ACIN1: variants seen among roughly 807,000 people sequenced by gnomAD.
The protein encoded by ACIN1 is apoptotic chromatin condensation inducer in the nucleus.
ACIN1 carries 16 observed loss-of-function variants against 146.6 expected under a neutral mutation model. The ratio of observed to expected loss-of-function variants is 0.11; its 90% CI spans 0.07 to 0.17. ACIN1 has a LOEUF of 0.17. ACIN1 is among the 10% of genes least tolerant of loss of function. The pLI is 1.00. For missense variants in ACIN1, 1,357 were observed against 1,609.3 expected (o/e 0.84, Z 2.68); for synonymous variants, 569 against 582.7 (o/e 0.98, Z 0.34).
chr14:23,082,811 C>G (rs2047981806), intron 4 of ACIN1, among the ~76,000 whole-genome samples: 1 of 151,286 alleles, frequency 6.6e-6, no homozygotes, highest in African/African-American at 2.4e-5. Context: ...ATGATCTAGG[C>G]TCACCACAAC....
chr14:23,062,639 G>A (rs193206765), intron 14 of ACIN1, 116 bp from the exon 15 acceptor site: 22 of 1,000,748 alleles, frequency 2.2e-5, no homozygotes, highest in East Asian at 1.7e-4. Flanking sequence ...GGAGGGCAGA[G>A]AGTTTAGGAA....
At chr14:23,071,412 G>A (rs1019300574) in intron 8 of ACIN1, 10 of 1,551,496 alleles carry the variant, frequency 6.4e-6, no homozygotes, top group Middle Eastern at 1.7e-4. Flanking sequence ...TAAGAGATAA[G>A]CGTTAAGTCC....
chr14:23,071,493 G>A lies in ACIN1; in HGVS notation c.2124-1876C>T. 2.6e-6 allele frequency: 4 copies of A among 1,551,710 alleles called. 1 individual carries two copies. The highest frequency in any genetic ancestry group is 3.5e-6 in the Non-Finnish European group (4 of 1,146,982). On this transcript the variant is annotated intron_variant, in intron 8 of 18. Transcript: ENST00000605057. ...GAGGAAGAGGGCCAGGCTGCTGGTA[G>A]TGGCTGGCTCTATTGTATTGGCGGA...
intron 4 of ACIN1, among the ~76,000 whole-genome samples, chr14:23,083,941 TTCTC>T (rs1176296927): frequency 2.0e-5 from 3 of 151,992 alleles, no homozygotes; most frequent in East Asian, 1.9e-4. Flanking sequence ...ACCCAAGATC[TTCTC>T]TCTTATTTTT....
upstream of ACIN1, chr14:23,095,301 T>C: frequency 6.3e-7 from 1 of 1,585,608 alleles, no homozygotes; most frequent in Non-Finnish European, 8.6e-7. Flanking sequence ...ACCAATCAAT[T>C]CTTTCCATCC....
chr14:23,080,665 C>T lies in ACIN1; in HGVS notation c.670G>A (p.Asp224Asn), dbSNP rs1234837206. The change falls in exon 6 of 19, where the codon GAT becomes AAT. Residue 224 changes from aspartate (D) to asparagine (N), a missense_variant. Around this residue, in one of 4 missense-constraint regions of ACIN1, gnomAD observed 771 missense variants for 746.6 expected, o/e 1.03. Coordinates refer to ENST00000605057, the MANE Select transcript of ACIN1 (RefSeq NM_001386863.1). ...EEEEEEEEEE[D>N]DEEEEGDDEG... ...TCATCACCTTCCTCTTCTTCATCAT[C>T]TTCTTCCTCCTCCTCCTCCTCCTCT... 3.1e-6 allele frequency: 5 copies of T among 1,611,954 alleles called. No homozygotes were observed. The highest frequency in any genetic ancestry group is 1.4e-5 in the African/African-American group (1 of 73,812).
At chr14:23,095,596 GT>G (rs1215123124), upstream of ACIN1, 3 of 371,558 alleles carry the variant, frequency 8.1e-6, no homozygotes, top group Non-Finnish European at 1.5e-5. Flanking sequence ...CAATCTTCGG[GT>G]GCCCTTCGAG....
At chr14:23,088,625 C>T (rs966690398) in intron 4 of ACIN1, among the ~76,000 whole-genome samples, 1 of 150,912 alleles carries the variant, frequency 6.6e-6, no homozygotes, top group African/African-American at 2.4e-5. Flanking sequence ...CCTAAAAACA[C>T]TGATTATGGT....
Position 23,079,802 on chromosome 14 carries a change from T to A in ACIN1, c.1533A>T (p.Arg511Ser). The A allele has an allele frequency of 6.2e-7, 1 of 1,614,182 alleles. No individual in the cohort carries two copies. Among genetic ancestry groups the A allele is most frequent in the Non-Finnish European group, 8.5e-7 (1 of 1,180,026 alleles). ...RASHTLLPSH[R>S]LKQSADSSSS... is the part of the protein sequence containing the mutation. ...AGGATGAATCAGCTGACTGTTTCAA[T>A]CTGTGGCTTGGGAGAAGGGTATGAG... Residue 511 changes from arginine to serine, a missense_variant, in exon 6 of 19, where the codon AGA becomes AGT. This residue lies in a region of ACIN1 where 771 missense variants were observed against 746.6 expected (regional missense o/e 1.03). Coordinates refer to ENST00000605057, the MANE Select transcript of ACIN1 (RefSeq NM_001386863.1).
Position 23,067,636 on chromosome 14 carries a change from T to C in ACIN1, c.2266-1628A>G. 4 of 985,886 alleles carry C rather than the reference T, an allele frequency of 4.1e-6. No individual in the cohort carries two copies. Among genetic ancestry groups the C allele is most frequent in the Non-Finnish European group, 3.6e-6 (3 of 829,990 alleles). 61.1% of individuals were successfully genotyped at this position (985,886 alleles called of 1,614,324 possible). On this transcript the variant is annotated intron_variant, in intron 9 of 18. Transcript: ENST00000605057. This position sits in a 1 kb window ranked among gnomAD's most constrained non-coding sequence, Gnocchi z 4.6. ...CATCAGTCCTGGCCCTGAAGGGACA[T>C]CATCTTGCAGTCCCTGATGAGATGG...
chr14:23,082,442 T>TTC (rs1213351101), intron 4 of ACIN1, among the ~76,000 whole-genome samples: 3 of 134,884 alleles, frequency 2.2e-5, no homozygotes, highest in African/African-American at 3.3e-5. Context: ...TCAATATTTT[T>TTC]TTTTTTTTTT....
At chr14:23,095,498 G>T, upstream of ACIN1, 1 of 633,798 alleles carries the variant, frequency 1.6e-6, no homozygotes, top group Non-Finnish European at 2.6e-6. Flanking sequence ...TCCGAGGCCG[G>T]AAGTGCGTGG....
At chr14:23,084,247 T>C (rs2048028718) in intron 4 of ACIN1, among the ~76,000 whole-genome samples, 1 of 152,100 alleles carries the variant, frequency 6.6e-6, no homozygotes, top group Non-Finnish European at 1.5e-5. Flanking sequence ...ATGCCCGGCC[T>C]TCTCTATTTC....
rs531927013 is a variant in ACIN1, at chr14:23,079,733, T to C, written c.1602A>G (p.Arg534=). The C allele has an allele frequency of 2.5e-6, 4 of 1,614,016 alleles. No homozygotes were observed. The highest frequency in any genetic ancestry group is 1.7e-5 in the Admixed American group (1 of 60,014). ...SSSSSSSSRS[R]SRSPDSSGSR... ...AACCTGAACTGTCAGGAGAGCGAGA[T>C]CTTGATCTAGAACTGGAGGAGGAAG... The change falls in exon 6 of 19, where the codon AGA becomes AGG. Residue 534 remains arginine, a synonymous_variant. Coordinates refer to ENST00000605057, the MANE Select transcript of ACIN1 (RefSeq NM_001386863.1).
In ACIN1 at chr14:23,078,160, T is replaced by G. The variant is rs755417331; in HGVS notation, c.2114A>C (p.His705Pro). The G allele has an allele frequency of 6.2e-7, 1 of 1,614,176 alleles. No individual in the cohort carries two copies. The change falls in exon 8 of 19, where the codon CAT (histidine) becomes CCT (proline). Residue 705 changes from histidine to proline, a missense_variant. Around this residue, in one of 4 missense-constraint regions of ACIN1, gnomAD observed 771 missense variants for 746.6 expected, o/e 1.03. Transcript: ENST00000605057. ...TSHLPESERIHHTVEEKEEVT... is the reference protein window; with the variant it reads ...TSHLPESERIPHTVEEKEEVT... Reference sequence around the variant, plus strand: ...GAGATATATCACTTACACAGTGTGATGAATTCTTTCTGATTCTGGCAGATG... The same window carrying G: ...GAGATATATCACTTACACAGTGTGAGGAATTCTTTCTGATTCTGGCAGATG...
rs990496745 is a variant in ACIN1 at position 23,068,135 on chromosome 14, A to G, written c.2265+1341T>C. Reference sequence around the variant, plus strand: ...TGGGCTGGGCTGTCATCAGCATTAAATCCCCAGGGGCTCAGACCCTAGACT... The same window carrying G: ...TGGGCTGGGCTGTCATCAGCATTAAGTCCCCAGGGGCTCAGACCCTAGACT... On this transcript the variant is annotated intron_variant, in intron 9 of 18. Transcript: ENST00000605057. This position sits in a 1 kb window ranked among gnomAD's most constrained non-coding sequence, Gnocchi z 4.3. The G allele has an allele frequency of 2.5e-5, 25 of 985,650 alleles. No homozygotes were observed. In the African/African-American group the frequency reaches 4.4e-4, roughly 17 times the overall value. 61.1% of individuals were successfully genotyped at this position (985,650 alleles called of 1,614,324 possible). A position where few individuals can be genotyped will look rare whatever the true frequency, so the allele number is the denominator to read the frequency against.
Position 23,079,033 on chromosome 14 carries a change from C to G in ACIN1, c.1794G>C (p.Leu598=). 2 of 1,612,954 alleles carry G rather than the reference C, an allele frequency of 1.2e-6. No homozygotes were observed. Among genetic ancestry groups the G allele is most frequent in the African/African-American group, 2.7e-5 (2 of 74,970 alleles). ...TGCTGTCCCTGGAGACTCCAGGGCT[C>G]AGAGACTAAAACAAAATGAAACACA... ...RSASSNSRKS[L]SPGVSRDSST... is the part of the protein sequence containing the mutation. Residue 598 remains leucine (L), a synonymous_variant, in exon 7 of 19, where the codon CTG becomes CTC. Coordinates refer to ENST00000605057, the MANE Select transcript of ACIN1 (RefSeq NM_001386863.1).
Position 23,063,078 on chromosome 14 carries a change from T to C in ACIN1, c.2738-4A>G, listed in dbSNP as rs1471691159. The C allele has an allele frequency of 6.2e-7, 1 of 1,601,648 alleles. No individual in the cohort carries two copies. The highest frequency in any genetic ancestry group is 1.3e-5 in the African/African-American group (1 of 74,338). On this transcript the variant is annotated splice_polypyrimidine_tract_variant and splice_region_variant and intron_variant, in intron 13 of 18. Transcript: ENST00000605057. ...GTTAAGGTATCTCCTAAAGTCACTA[T>C]CAAGAAGACCACAAGAACAGCTTTT...
intron 16 of ACIN1, 86 bp downstream of exon 16, chr14:23,062,082 G>A (rs1227443454): frequency 5.6e-6 from 6 of 1,075,400 alleles, no homozygotes; most frequent in African/African-American, 4.7e-5. Context: ...CTCAGAGACT[G>A]CAGGTCTGGC....
Sources: gnomAD v4.1 joint callset for allele counts (sites outside exome capture counted in the v4.1 genomes callset) on GRCh38, gnomAD v4.1.1 for gene constraint, gnomAD v4.1.1 regional missense constraint, Gnocchi (gnomAD v3.1) non-coding constraint, MANE v1.5 for transcripts, NCBI Gene and HGNC (gene_info 2026-07-23, HGNC 2026-07-21) for gene names.